The following KANK4 variants were observed in gnomAD, a reference collection of about 807,000 sequenced individuals.
The protein encoded by KANK4 is KN motif and ankyrin repeat domains 4.
A neutral mutation model predicts 80.8 loss-of-function variants in KANK4; 50 were observed. The observed-to-expected ratio is 0.62, with a 90% CI of 0.49 to 0.78. KANK4 has a LOEUF of 0.78. KANK4 is among the 30% of genes least tolerant of loss of function. The pLI, the probability that KANK4 is intolerant of heterozygous loss-of-function variation, is 0.00. For missense variants in KANK4, 1,196 were observed against 1,240.1 expected, an observed-to-expected ratio of 0.96 and a Z score of 0.53; for synonymous variants, 465 against 506.9, an observed-to-expected ratio of 0.92 and a Z score of 1.11.
At chr1:62,303,560 C>G (rs542495216) in intron 1 of KANK4, among the ~76,000 whole-genome samples, 10 of 152,092 alleles carry the variant, frequency 6.6e-5, no homozygotes, top group Admixed American at 5.2e-4. Context: ...ACTCTGCTGC[C>G]CAATATCGTA....
In KANK4 at chr1:62,286,296, C is replaced by G. The variant is rs540361663; in HGVS notation, c.-70-4662G>C. Among the ~76,000 whole-genome samples, 3 of 152,360 alleles carry G rather than the reference C, an allele frequency of 2.0e-5. No individual in the cohort carries two copies. In the East Asian group the frequency reaches 5.8e-4, roughly 29 times the overall value. ...GGCTGCAGGGCCGGAGCTGATAGCT[C>G]GTGCCTTCAGCACAGCTGTGTCTGT... On this transcript the variant is annotated intron_variant, in intron 1 of 9. Coordinates refer to ENST00000371153, the MANE Select transcript of KANK4 (RefSeq NM_181712.5).
chr1:62,301,272 C>T (rs1234663093), intron 1 of KANK4, among the ~76,000 whole-genome samples: 1 of 152,038 alleles, frequency 6.6e-6, no homozygotes, highest in African/African-American at 2.4e-5. Flanking sequence ...AACATATGCA[C>T]TATGTGGAAA....
intron 8 of KANK4, among the ~76,000 whole-genome samples, chr1:62,250,828 A>G (rs761419501): frequency 1.5e-4 from 23 of 152,260 alleles, no homozygotes; most frequent in Non-Finnish European, 2.5e-4. Flanking sequence ...AAAGTAATCT[A>G]TAAACATCGG....
Position 62,274,787 on chromosome 1 carries a change from T to C in KANK4, c.317A>G (p.Gln106Arg). 6.2e-7 allele frequency: 1 copy of C among 1,614,158 alleles called. No individual in the cohort carries two copies. The highest frequency in any genetic ancestry group is 8.5e-7 in the Non-Finnish European group (1 of 1,180,016). ...PREASLGTQE[Q>R]NQSPPLGNAP... ...ATTACCAAGCGGTGGTGACTGGTTT[T>C]GCTCCTGTGTCCCAAGTGATGCCTC... Residue 106 changes from glutamine (Q) to arginine (R), a missense_variant, in exon 3 of 10, where the codon CAA (glutamine) becomes CGA (arginine). By Grantham distance (43) the Gln-to-Arg change is conservative. Transcript: ENST00000371153.
intron 1 of KANK4, among the ~76,000 whole-genome samples, chr1:62,290,953 T>C (rs2477872): frequency 0.35 from 52,947 of 151,900 alleles, 10,670 homozygotes; most frequent in African/African-American, 0.55. Context: ...GGTTTCACCG[T>C]GTTAGCCAGA....
intron 5 of KANK4, among the ~76,000 whole-genome samples, chr1:62,267,476 C>A (rs1232600848): frequency 6.6e-6 from 1 of 152,138 alleles, no homozygotes; most frequent in East Asian, 1.9e-4. Flanking sequence ...CAGCTATAAG[C>A]TGTGGTGCCT....
intron 6 of KANK4, among the ~76,000 whole-genome samples, chr1:62,265,658 C>G (rs1672001197): frequency 6.6e-6 from 1 of 152,156 alleles, no homozygotes; most frequent in African/African-American, 2.4e-5. Context: ...TTCTAGGGCT[C>G]TTTTGCAAAG....
At chr1:62,291,468 GT>G (rs1286661896) in intron 1 of KANK4, among the ~76,000 whole-genome samples, 1 of 151,962 alleles carries the variant, frequency 6.6e-6, no homozygotes, top group African/African-American at 2.4e-5. Flanking sequence ...TTTAGATAGG[GT>G]CTCACTCTGT....
intron 1 of KANK4, among the ~76,000 whole-genome samples, chr1:62,305,810 A>G (rs1644447103): frequency 6.6e-6 from 1 of 152,168 alleles, no homozygotes; most frequent in South Asian, 2.1e-4. Flanking sequence ...CTGATAACCC[A>G]GTACCCAAAA....
intron 1 of KANK4, among the ~76,000 whole-genome samples, chr1:62,291,117 T>A (rs1672670380): frequency 6.6e-6 from 1 of 152,232 alleles, no homozygotes; most frequent in Non-Finnish European, 1.5e-5. Context: ...ATAGCCATCC[T>A]AGTAGGTGTA....
chr1:62,238,523 G>A (rs1417051407), intron 9 of KANK4, 142 bp from the exon 10 acceptor site: 4 of 614,644 alleles, frequency 6.5e-6, no homozygotes, highest in South Asian at 2.2e-5. Context: ...GAGAAGATTC[G>A]AATGGCATGA....
chr1:62,237,954 G>C lies in KANK4; in HGVS notation c.*323C>G, dbSNP rs1466394855. 1 of 242,628 alleles carries C rather than the reference G, an allele frequency of 4.1e-6. No individual in the cohort carries two copies. The highest frequency in any genetic ancestry group is 2.2e-5 in the African/African-American group (1 of 45,170). The allele number at this position is 242,628 out of a possible 1,614,324, so 15.0% of individuals were successfully genotyped here. On this transcript the variant is annotated 3_prime_UTR_variant, in exon 10 of 10. Coordinates refer to ENST00000371153, the MANE Select transcript of KANK4 (RefSeq NM_181712.5). The stretch of plus-strand genomic sequence containing the variant: ...CTAATGTGCTCCTGCCTGCCTGCTT[G>C]CTACACAATGTTACAGAGGGTAGAG...
chr1:62,265,274 T>C (rs1287900266), intron 6 of KANK4, among the ~76,000 whole-genome samples: 1 of 152,020 alleles, frequency 6.6e-6, no homozygotes. Context: ...AGGATCTCAC[T>C]CTAGTGCTAA....
At chr1:62,251,553 C>T (rs1490827695) in intron 8 of KANK4, among the ~76,000 whole-genome samples, 1 of 152,146 alleles carries the variant, frequency 6.6e-6, no homozygotes, top group Non-Finnish European at 1.5e-5. Context: ...CAAAGCCCTT[C>T]TGGGTAAGGA....
At chr1:62,302,689 T>C (rs899694352) in intron 1 of KANK4, among the ~76,000 whole-genome samples, 4 of 151,994 alleles carry the variant, frequency 2.6e-5, no homozygotes, top group African/African-American at 7.2e-5. Flanking sequence ...AGGAAGAGGG[T>C]TGTCCCCCAG....
intron 9 of KANK4, among the ~76,000 whole-genome samples, chr1:62,245,747 G>A (rs1313838008): frequency 6.6e-6 from 1 of 152,104 alleles, no homozygotes; most frequent in African/African-American, 2.4e-5. Flanking sequence ...GGTAATGCAT[G>A]GGAAAGGTTT....
Position 62,253,148 on chromosome 1 carries a change from C to G in KANK4, c.2601G>C (p.Leu867Phe). 6.2e-7 allele frequency: 1 copy of G among 1,613,744 alleles called. No homozygotes were observed. The highest frequency in any genetic ancestry group is 8.5e-7 in the Non-Finnish European group (1 of 1,179,938). Residue 867 changes from leucine (L) to phenylalanine (F), a missense_variant, in exon 8 of 10, where the codon TTG becomes TTC. Physicochemically the swap from Leu to Phe is conservative, Grantham distance 22. This residue lies in a region of KANK4 where 1,154 missense variants were observed against 1,179.6 expected (regional missense o/e 0.98). Coordinates refer to ENST00000371153, the MANE Select transcript of KANK4 (RefSeq NM_181712.5). ...TGTCTTCATTGGTCTCTGCGGAAGC[C>G]AAGGGAGTGATCATTACGGCAGTGT... Reference protein sequence around the residue: ...AGYTAVMITPLASAETNEDMA... With the variant: ...AGYTAVMITPFASAETNEDMA...
chr1:62,247,471 C>T lies in KANK4; in HGVS notation c.2883+1G>A, dbSNP rs770307314. 2 of 1,613,806 alleles carry T rather than the reference C, an allele frequency of 1.2e-6. No individual in the cohort carries two copies. Among genetic ancestry groups the T allele is most frequent in the South Asian group, 1.1e-5 (1 of 91,066 alleles). ...ACTTGTTAATTGCCTGTAAGTCTCA[C>T]CTTGTCAGTCAGGCTGCTGTCGCAG... On this transcript the variant is annotated splice_donor_variant, in intron 9 of 9. Coordinates refer to ENST00000371153, the MANE Select transcript of KANK4 (RefSeq NM_181712.5). LOFTEE classifies it high-confidence loss of function.
At chr1:62,269,352 T>A (rs2149138326) in intron 4 of KANK4, among the ~76,000 whole-genome samples, 1 of 152,286 alleles carries the variant, frequency 6.6e-6, no homozygotes, top group African/African-American at 2.4e-5. Flanking sequence ...CAGAGACTGG[T>A]GGCCATGGCC....
Sources: allele counts gnomAD v4.1 joint callset (sites outside exome capture counted in the v4.1 genomes callset), GRCh38; gene constraint gnomAD v4.1.1; regional missense constraint gnomAD v4.1.1; transcripts MANE v1.5; gene names NCBI Gene and HGNC (gene_info 2026-07-23, HGNC 2026-07-21).